Variants in TEX9 observed in about 807,000 individuals in gnomAD.
TEX9 encodes testis expressed 9.
TEX9 carries 74 observed loss-of-function variants against 59.6 expected under a neutral mutation model. The observed-to-expected ratio is 1.24, with a 90% CI of 1.03 to 1.51. The LOEUF is 1.51. Among genes scored for constraint, TEX9 ranks in the 40% most tolerant of loss-of-function variants. TEX9 has a pLI of 0.00. For synonymous variants in TEX9, 186 were observed against 152.2 expected (o/e 1.22, Z -1.64); for missense variants, 522 against 447.8 (o/e 1.17, Z -1.49).
At chr15:56,339,123 C>T (rs556877761) in intron 1 of TEX9, among the ~76,000 whole-genome samples, 264 of 151,838 alleles carry the variant, frequency 1.7e-3, no homozygotes, top group Non-Finnish European at 3.4e-3. Context: ...TGGCTCACGT[C>T]TGTAATCCCA....
At chr15:56,338,819 G>C (rs2141818244) in intron 1 of TEX9, among the ~76,000 whole-genome samples, 1 of 152,184 alleles carries the variant, frequency 6.6e-6, no homozygotes, top group East Asian at 1.9e-4. Flanking sequence ...TTGGGAAGTT[G>C]AGGCAGGAGA....
intron 9 of TEX9, among the ~76,000 whole-genome samples, chr15:56,402,927 T>C (rs1223615838): frequency 1.3e-5 from 2 of 152,158 alleles, no homozygotes; most frequent in African/African-American, 4.8e-5. Flanking sequence ...TTTGACAAAA[T>C]TCAACAGCCT....
intron 10 of TEX9, chr15:56,421,498 G>T (rs1464590604): frequency 6.6e-6 from 1 of 151,782 alleles, no homozygotes; most frequent in Non-Finnish European, 1.5e-5. Context: ...TATTACCTTT[G>T]TTTGATATTC....
intron 10 of TEX9, among the ~76,000 whole-genome samples, chr15:56,424,845 G>T (rs2050165745): frequency 1.3e-5 from 2 of 152,180 alleles, no homozygotes; most frequent in East Asian, 3.9e-4. Context: ...ATTTACTGGG[G>T]AATTTCATAT....
Position 56,365,578 on chromosome 15 carries a change from G to T in TEX9, c.28-1G>T. On this transcript the variant is annotated splice_acceptor_variant, in intron 1 of 12. Coordinates refer to ENST00000352903, the Ensembl canonical transcript of TEX9. LOFTEE classifies it high-confidence loss of function. Reference sequence around the variant, plus strand: ...TCTGAAAGTCTGTGGCTCTTTTACAGAGAAGCAGCGTTCCAGGGACTCCGT... The same window carrying T: ...TCTGAAAGTCTGTGGCTCTTTTACATAGAAGCAGCGTTCCAGGGACTCCGT... 6.2e-7 allele frequency: 1 copy of T among 1,614,194 alleles called. No homozygotes were observed. The highest frequency in any genetic ancestry group is 1.1e-5 in the South Asian group (1 of 91,084).
chr15:56,292,076 C>G (rs2045107268), intron 1 of TEX9, among the ~76,000 whole-genome samples: 1 of 152,202 alleles, frequency 6.6e-6, no homozygotes, highest in Non-Finnish European at 1.5e-5. Context: ...CTGTATACAT[C>G]TCAAAGTGAT....
chr15:56,423,545 A>G (rs925959013), intron 10 of TEX9, among the ~76,000 whole-genome samples: 3 of 152,148 alleles, frequency 2.0e-5, no homozygotes, highest in Non-Finnish European at 4.4e-5. Context: ...TTCATATACC[A>G]TGCAACCCAC....
chr15:56,257,250 A>G (rs1342915213), intron 1 of TEX9, among the ~76,000 whole-genome samples: 1 of 152,068 alleles, frequency 6.6e-6, no homozygotes, highest in African/African-American at 2.4e-5. Context: ...ATGAACATAC[A>G]TGTGCATATG....
At chr15:56,387,577 A>G (rs1188173237) in intron 4 of TEX9, among the ~76,000 whole-genome samples, 2 of 151,906 alleles carry the variant, frequency 1.3e-5, no homozygotes, top group Non-Finnish European at 2.9e-5. Context: ...TTTTAGTTGT[A>G]TGTCTTCTCC....
intron 10 of TEX9, among the ~76,000 whole-genome samples, chr15:56,418,996 T>C (rs1014770463): frequency 7.2e-5 from 11 of 152,026 alleles, no homozygotes; most frequent in South Asian, 2.1e-4. Context: ...TTTGGGAAAA[T>C]TGACATCTTA....
chr15:56,256,718 T>G (rs749746119), intron 1 of TEX9, among the ~76,000 whole-genome samples: 20 of 152,050 alleles, frequency 1.3e-4, no homozygotes, highest in Non-Finnish European at 2.5e-4. Flanking sequence ...TGAAATAGAT[T>G]TTGAAAAGTT....
At chr15:56,336,285 A>G (rs1189360738) in intron 1 of TEX9, among the ~76,000 whole-genome samples, 1 of 152,146 alleles carries the variant, frequency 6.6e-6, no homozygotes, top group African/African-American at 2.4e-5. Flanking sequence ...TAAATCCCTA[A>G]TCCCAATATG....
intron 1 of TEX9, among the ~76,000 whole-genome samples, chr15:56,289,679 G>A (rs2045042500): frequency 6.6e-6 from 1 of 152,206 alleles, no homozygotes; most frequent in African/African-American, 2.4e-5. Flanking sequence ...GGTCTGGCGT[G>A]TGGGCTCACT....
chr15:56,249,451 G>C (rs971150025), intron 1 of TEX9, among the ~76,000 whole-genome samples: 1 of 149,730 alleles, frequency 6.7e-6, no homozygotes, highest in Non-Finnish European at 1.5e-5. Flanking sequence ...GAGAGAGAGA[G>C]AGGGAGGGAG....
chr15:56,372,767 A>AT (rs2047249631), intron 2 of TEX9, among the ~76,000 whole-genome samples: 1 of 152,156 alleles, frequency 6.6e-6, no homozygotes, highest in African/African-American at 2.4e-5. Context: ...TTTAAAAACA[A>AT]TTTTTTTCAA....
intron 1 of TEX9, among the ~76,000 whole-genome samples, chr15:56,321,360 A>T (rs575612911): frequency 2.0e-5 from 3 of 152,306 alleles, no homozygotes; most frequent in Admixed American, 2.0e-4. Flanking sequence ...CTCAGAATGC[A>T]GGGCTCAAAT....
At chr15:56,432,633 T>A (rs1223819992) in intron 12 of TEX9, among the ~76,000 whole-genome samples, 1 of 152,186 alleles carries the variant, frequency 6.6e-6, no homozygotes, top group Admixed American at 6.5e-5. Context: ...ATCTATGCAT[T>A]AGGTGGCTTT....
At chr15:56,354,327 T>C (rs1386924554) in intron 1 of TEX9, among the ~76,000 whole-genome samples, 5 of 152,200 alleles carry the variant, frequency 3.3e-5, no homozygotes, top group African/African-American at 1.2e-4. Flanking sequence ...TATCTTAAAC[T>C]ACTGTTACTG....
chr15:56,429,048 G>T, intron 12 of TEX9: 1 of 1,156,786 alleles, frequency 8.6e-7, no homozygotes, highest in Non-Finnish European at 1.2e-6. Context: ...AAGTTATGCT[G>T]ACATCTAGTG....
Sources: allele counts gnomAD v4.1 joint callset (sites outside exome capture counted in the v4.1 genomes callset), GRCh38; gene constraint gnomAD v4.1.1; transcripts MANE v1.5; gene names NCBI Gene and HGNC (gene_info 2026-07-23, HGNC 2026-07-21).